Variants in SORCS1 observed in about 807,000 individuals in gnomAD.
SORCS1 encodes sortilin related VPS10 domain containing receptor 1.
In SORCS1, 60 loss-of-function variants were observed where a neutral mutation model predicts 146.1. That is an observed-to-expected ratio of 0.41 (90% CI 0.33 to 0.51). The LOEUF is 0.51. Ranked by LOEUF, SORCS1 falls within the 20% of genes least tolerant of loss-of-function variation. The pLI is 0.21. For missense variants in SORCS1, 1,352 were observed against 1,487.6 expected (o/e 0.91, Z 1.50); for synonymous variants, 637 against 584.0 (o/e 1.09, Z -1.31).
At chr10:106,694,459 C>T (rs1853544216) in intron 9 of SORCS1, among the ~76,000 whole-genome samples, 2 of 152,092 alleles carry the variant, frequency 1.3e-5, no homozygotes, top group Non-Finnish European at 2.9e-5. Flanking sequence ...GTTGGCCAGG[C>T]TGGTCATAAA....
At chr10:107,024,818 A>G (rs1425121971) in intron 1 of SORCS1, among the ~76,000 whole-genome samples, 1 of 152,170 alleles carries the variant, frequency 6.6e-6, no homozygotes, top group Non-Finnish European at 1.5e-5. Flanking sequence ...TTTAAAAGAC[A>G]TGGTCCTTTA....
At position 107,068,068 on chromosome 10, in the gene SORCS1, C is replaced by T. The variant is rs149392579; in HGVS notation, c.558+95901G>A. Among the ~76,000 whole-genome samples, 183 of 152,218 alleles carry T rather than the reference C, an allele frequency of 1.2e-3. 1 individual carries two copies. The highest frequency in any genetic ancestry group is 3.6e-3 in the African/African-American group (150 of 41,540). On this transcript the variant is annotated intron_variant, in intron 1 of 25. Coordinates refer to ENST00000263054, the MANE Select transcript of SORCS1 (RefSeq NM_052918.5). ...AAGACTCCCTCTCTCATTCTTTCTC[C>T]GAGGTTTTGCTTGCCCCTACCAAAA... is the stretch of plus-strand genomic sequence containing the variant.
intron 2 of SORCS1, among the ~76,000 whole-genome samples, chr10:106,852,507 A>C (rs1672661096): frequency 6.6e-6 from 1 of 151,766 alleles, no homozygotes; most frequent in Admixed American, 6.6e-5. Context: ...GCACGCCTGT[A>C]GTCCCAGCTA....
At chr10:106,814,485 C>A (rs1384233630) in intron 3 of SORCS1, among the ~76,000 whole-genome samples, 2 of 152,206 alleles carry the variant, frequency 1.3e-5, no homozygotes, top group Non-Finnish European at 2.9e-5. Context: ...CAGTCACTAA[C>A]TAGGCTTCAC....
intron 1 of SORCS1, among the ~76,000 whole-genome samples, chr10:106,957,609 G>A (rs1351683223): frequency 6.6e-6 from 1 of 152,024 alleles, no homozygotes; most frequent in Non-Finnish European, 1.5e-5. Flanking sequence ...GCATTTTAAC[G>A]AGCAAATCTA....
chr10:106,618,366 A>C, intron 20 of SORCS1, 94 bp from the exon 21 acceptor site: 1 of 1,488,000 alleles, frequency 6.7e-7, no homozygotes, highest in South Asian at 1.3e-5. Context: ...TGTCTAACCC[A>C]GCAGAGGCTC....
In SORCS1 at chr10:106,851,812, T is replaced by C. The variant is rs561320350; in HGVS notation, c.627-22139A>G. ...GAGAAGAACTGACATCTTGGCAATA[T>C]TGAGTCTTTCTGTCCATGGATATGG... On this transcript the variant is annotated intron_variant, in intron 2 of 25. Transcript: ENST00000263054. Among the ~76,000 whole-genome samples the C allele has an allele frequency of 2.0e-5, 3 of 152,362 alleles. No homozygotes were observed. In the South Asian group the frequency reaches 6.2e-4, roughly 32 times the overall value.
chr10:106,837,288 G>A lies in SORCS1; in HGVS notation c.627-7615C>T, dbSNP rs142458563. On this transcript the variant is annotated intron_variant, in intron 2 of 25. Coordinates refer to ENST00000263054, the MANE Select transcript of SORCS1 (RefSeq NM_052918.5). ...GACTGGAGCAGACCAAGAAAAAATA[G>A]AAAAGAGGCAGCTCCTTGATTCCAG... Among the ~76,000 whole-genome samples, 683 of 152,176 alleles carry A rather than the reference G, an allele frequency of 4.5e-3. 5 individuals are homozygous for A. Among genetic ancestry groups the A allele is most frequent in the African/African-American group, 0.016 (652 of 41,532 alleles).
At chr10:106,774,841 C>A (rs1197071022) in intron 4 of SORCS1, among the ~76,000 whole-genome samples, 1 of 152,198 alleles carries the variant, frequency 6.6e-6, no homozygotes, top group Non-Finnish European at 1.5e-5. Context: ...AACACTGTAT[C>A]ATGCATGGCA....
chr10:107,173,577 TC>T, the SORCS1 span, among the ~76,000 whole-genome samples: 1 of 152,208 alleles, frequency 6.6e-6, no homozygotes, highest in African/African-American at 2.4e-5. Context: ...ATCAATTACT[TC>T]AAACCTTTTC....
At chr10:107,150,134 C>T (rs1006320540) in intron 1 of SORCS1, among the ~76,000 whole-genome samples, 2 of 152,184 alleles carry the variant, frequency 1.3e-5, no homozygotes, top group East Asian at 3.8e-4. Flanking sequence ...CCAGAATATG[C>T]ACCCTTAAGG....
intron 2 of SORCS1, among the ~76,000 whole-genome samples, chr10:106,916,575 T>TACACAC (rs59313831): frequency 0.039 from 5,512 of 142,778 alleles, 128 homozygotes; most frequent in Middle Eastern, 0.062. Context: ...TGCATATATA[T>TACACAC]ACACACACAC....
chr10:107,002,977 C>T (rs1339858970), intron 1 of SORCS1, among the ~76,000 whole-genome samples: 5 of 152,004 alleles, frequency 3.3e-5, no homozygotes, highest in Non-Finnish European at 5.9e-5. Context: ...TGTTCTAGGC[C>T]GAGTGTGGTG....
At chr10:106,947,838 CAA>C (rs946945206) in intron 2 of SORCS1, among the ~76,000 whole-genome samples, 5 of 133,632 alleles carry the variant, frequency 3.7e-5, no homozygotes, top group Non-Finnish European at 1.6e-5. Flanking sequence ...AACTCCATCT[CAA>C]AAAAAAAAAA....
chr10:106,635,317 G>A (rs1168550706), intron 18 of SORCS1, among the ~76,000 whole-genome samples: 1 of 152,138 alleles, frequency 6.6e-6, no homozygotes, highest in African/African-American at 2.4e-5. Flanking sequence ...GCATGACAGT[G>A]GCCCTCACTC....
intron 1 of SORCS1, among the ~76,000 whole-genome samples, chr10:107,035,866 AGT>A (rs1958884782): frequency 6.6e-6 from 1 of 151,260 alleles, no homozygotes; most frequent in South Asian, 2.1e-4. Flanking sequence ...TTATAAGTAT[AGT>A]TCCCATTTTA....
intron 19 of SORCS1, among the ~76,000 whole-genome samples, chr10:106,621,836 G>A (rs924735613): frequency 3.3e-5 from 5 of 151,968 alleles, no homozygotes; most frequent in African/African-American, 4.8e-5. Context: ...CTAATCTGGC[G>A]CCCTGGTTCA....
At chr10:106,745,558 T>C (rs1160861544) in intron 5 of SORCS1, among the ~76,000 whole-genome samples, 2 of 152,238 alleles carry the variant, frequency 1.3e-5, no homozygotes. Context: ...GCAAAACGCA[T>C]GTTCTCAACG....
chr10:106,794,501 C>CTTT (rs35647552), intron 3 of SORCS1, among the ~76,000 whole-genome samples: 5 of 126,060 alleles, frequency 4.0e-5, no homozygotes, highest in African/African-American at 8.6e-5. Flanking sequence ...TTTTCTTTTT[C>CTTT]TTTTTTTTTT....
Sources: gnomAD v4.1 joint callset for allele counts (sites outside exome capture counted in the v4.1 genomes callset) on GRCh38, gnomAD v4.1.1 for gene constraint, MANE v1.5 for transcripts, NCBI Gene and HGNC (gene_info 2026-07-23, HGNC 2026-07-21) for gene names.